Variants in PLEKHA6 observed in about 807,000 individuals in gnomAD.
PLEKHA6 encodes pleckstrin homology domain-containing family A member 6.
PLEKHA6 carries 60 observed loss-of-function variants against 116.7 expected under a neutral mutation model. That is an observed-to-expected ratio of 0.51 (90% CI 0.42 to 0.64). The LOEUF is 0.64. Ranked by LOEUF, PLEKHA6 falls within the 30% of genes least tolerant of loss-of-function variation. PLEKHA6 has a pLI of 0.00. For missense variants in PLEKHA6, 1,338 were observed against 1,422.7 expected (o/e 0.94, Z 0.96); for synonymous variants, 489 against 556.1 (o/e 0.88, Z 1.70).
intron 1 of PLEKHA6, among the ~76,000 whole-genome samples, chr1:204,339,357 C>G (rs763340220): frequency 2.0e-5 from 3 of 152,234 alleles, no homozygotes; most frequent in Non-Finnish European, 4.4e-5. Flanking sequence ...TTCTCAGCCA[C>G]TACATTTTGG....
intron 1 of PLEKHA6, among the ~76,000 whole-genome samples, chr1:204,306,799 G>A (rs1352200152): frequency 6.6e-6 from 1 of 152,018 alleles, no homozygotes; most frequent in Non-Finnish European, 1.5e-5. Flanking sequence ...ATATATCCAC[G>A]TAATGAACCT....
At chr1:204,362,486 T>C (rs1673580220), upstream of PLEKHA6, among the ~76,000 whole-genome samples, 1 of 152,076 alleles carries the variant, frequency 6.6e-6, no homozygotes, top group Non-Finnish European at 1.5e-5. Flanking sequence ...CTCCCTACCA[T>C]ACAGTCTTGG....
At chr1:204,232,184 G>T (rs1348536588) in intron 17 of PLEKHA6, among the ~76,000 whole-genome samples, 1 of 152,242 alleles carries the variant, frequency 6.6e-6, no homozygotes, top group African/African-American at 2.4e-5. Context: ...GATGAACTTA[G>T]ATATTTAGCT....
In PLEKHA6 at chr1:204,228,341, G is replaced by T. The variant is rs1054471549; in HGVS notation, c.2886-113C>A. On this transcript the variant is annotated intron_variant, in intron 20 of 22. Coordinates refer to ENST00000272203, the MANE Select transcript of PLEKHA6 (RefSeq NM_014935.5). The surrounding 1 kb of genome is among the most constrained non-coding windows in gnomAD (Gnocchi z 4.0). Reference sequence around the variant, plus strand: ...AGGGCCAGGGCCCCGTGAATGTGCAGTCTCTGGTTCCCAGCAAGGCTGTCC... The same window carrying T: ...AGGGCCAGGGCCCCGTGAATGTGCATTCTCTGGTTCCCAGCAAGGCTGTCC... 9.3e-7 allele frequency: 1 copy of T among 1,071,636 alleles called. No homozygotes were observed. The highest frequency in any genetic ancestry group is 1.4e-6 in the Non-Finnish European group (1 of 734,028). 66.4% of individuals were successfully genotyped at this position (1,071,636 alleles called of 1,614,324 possible).
At chr1:204,282,848 C>G in intron 1 of PLEKHA6, 3 of 979,416 alleles carry the variant, frequency 3.1e-6, no homozygotes, top group Non-Finnish European at 3.6e-6. Context: ...CTGCCTACAG[C>G]TCTGGGTTTT....
intron 21 of PLEKHA6, among the ~76,000 whole-genome samples, chr1:204,226,992 A>G (rs1276410698): frequency 6.6e-6 from 1 of 152,138 alleles, no homozygotes; most frequent in Admixed American, 6.5e-5. Context: ...ATTGTTTCCA[A>G]TCCTCATACC....
chr1:204,362,113 T>A (rs182602102), upstream of PLEKHA6, among the ~76,000 whole-genome samples: 1 of 151,830 alleles, frequency 6.6e-6, no homozygotes, highest in South Asian at 2.1e-4. Context: ...CGGTGTGGGG[T>A]GCATGCCTTT....
rs546199478 is a variant in PLEKHA6, at chr1:204,358,516, C to T, written c.-95+1178G>A. ...ATTTGTAGGGCAAGTGCCCGCAGTG[C>T]CCCCGCACCTGCCCAGACAGTGGGC... On this transcript the variant is annotated intron_variant, in intron 1 of 22. Coordinates refer to ENST00000272203, the MANE Select transcript of PLEKHA6 (RefSeq NM_014935.5). Among the ~76,000 whole-genome samples the T allele has an allele frequency of 2.0e-5, 3 of 152,322 alleles. No homozygotes were observed. In the South Asian group the frequency reaches 6.2e-4, roughly 32 times the overall value.
chr1:204,332,580 C>T (rs1672494828), intron 1 of PLEKHA6, among the ~76,000 whole-genome samples: 1 of 152,186 alleles, frequency 6.6e-6, no homozygotes, highest in Admixed American at 6.5e-5. Flanking sequence ...TGGGGTTTCA[C>T]CATGTTGGCC....
At chr1:204,316,086 G>A (rs971321383) in intron 1 of PLEKHA6, among the ~76,000 whole-genome samples, 6 of 152,234 alleles carry the variant, frequency 3.9e-5, no homozygotes, top group Middle Eastern at 3.2e-3. Flanking sequence ...CACGATGCAT[G>A]TAATGCAATG....
In PLEKHA6 at chr1:204,257,614, G is replaced by A. The variant is rs768542005; in HGVS notation, c.1263C>T (p.Thr421=). 6.2e-6 allele frequency: 10 copies of A among 1,609,386 alleles called. No homozygotes were observed. Among genetic ancestry groups the A allele is most frequent in the East Asian group, 2.2e-5 (1 of 44,764 alleles). ...EPASYGRQDA[T]VWIPSPSRQP... Reference sequence around the variant, plus strand: ...GCCGGGAGGGGCTTGGGATCCAGACGGTGGCATCCTGCCGCCCGTAGCTGG... The same window carrying A: ...GCCGGGAGGGGCTTGGGATCCAGACAGTGGCATCCTGCCGCCCGTAGCTGG... Residue 421 remains threonine, a synonymous_variant, in exon 9 of 23, where the codon ACC becomes ACT. Coordinates refer to ENST00000272203, the MANE Select transcript of PLEKHA6 (RefSeq NM_014935.5). The surrounding 1 kb of genome is among the most constrained non-coding windows in gnomAD (Gnocchi z 6.5).
chr1:204,293,009 T>G (rs1453579492), intron 1 of PLEKHA6, among the ~76,000 whole-genome samples: 1 of 152,114 alleles, frequency 6.6e-6, no homozygotes, highest in Non-Finnish European at 1.5e-5. Context: ...CCTCCTGGCA[T>G]GGAGCCCCAC....
intron 17 of PLEKHA6, among the ~76,000 whole-genome samples, chr1:204,239,670 A>T (rs1327674144): frequency 6.6e-6 from 1 of 152,202 alleles, no homozygotes; most frequent in East Asian, 1.9e-4. Flanking sequence ...ATCCTGAAGC[A>T]GCTGGATTGA....
intron 1 of PLEKHA6, chr1:204,317,201 C>T: frequency 3.1e-6 from 3 of 958,176 alleles, no homozygotes; most frequent in Non-Finnish European, 3.7e-6. Context: ...GCATAGGGTA[C>T]TGCTGATAGA....
intron 1 of PLEKHA6, among the ~76,000 whole-genome samples, chr1:204,349,267 G>T (rs1051095018): frequency 2.0e-5 from 3 of 152,140 alleles, no homozygotes; most frequent in Non-Finnish European, 4.4e-5. Flanking sequence ...GGCCGGGTGC[G>T]GTGGCTCACG....
chr1:204,230,103 T>C (rs1660952794), intron 18 of PLEKHA6, among the ~76,000 whole-genome samples: 2 of 152,266 alleles, frequency 1.3e-5, no homozygotes, highest in South Asian at 4.1e-4. Context: ...TGGGTGTAAG[T>C]GACAGCTATT....
At chr1:204,226,127 T>C (rs1253290224) in intron 21 of PLEKHA6, among the ~76,000 whole-genome samples, 1 of 152,188 alleles carries the variant, frequency 6.6e-6, no homozygotes, top group Admixed American at 6.5e-5. Context: ...GCCCACACAG[T>C]GCATGCCCAG....
intron 1 of PLEKHA6, among the ~76,000 whole-genome samples, chr1:204,336,630 C>T (rs908711748): frequency 2.6e-5 from 4 of 152,196 alleles, no homozygotes; most frequent in African/African-American, 9.7e-5. Flanking sequence ...AGATCATGCA[C>T]TAGGCCAACT....
intron 1 of PLEKHA6, among the ~76,000 whole-genome samples, chr1:204,316,539 C>G (rs1671867676): frequency 6.6e-6 from 1 of 152,198 alleles, no homozygotes; most frequent in Non-Finnish European, 1.5e-5. Context: ...GGCAGAGCCT[C>G]CGGAGCTGAG....
Sources: gnomAD v4.1 joint callset for allele counts (sites outside exome capture counted in the v4.1 genomes callset) on GRCh38, gnomAD v4.1.1 for gene constraint, Gnocchi (gnomAD v3.1) non-coding constraint, MANE v1.5 for transcripts, NCBI Gene and HGNC (gene_info 2026-07-23, HGNC 2026-07-21) for gene names.